The following EEPD1 variants were observed in gnomAD, a reference collection of about 807,000 sequenced individuals.
EEPD1 encodes endonuclease/exonuclease/phosphatase family domain containing 1.
A neutral mutation model predicts 46.3 loss-of-function variants in EEPD1; 17 were observed. The ratio of observed to expected loss-of-function variants is 0.37; its 90% confidence interval spans 0.25 to 0.55. The LOEUF is 0.55. Ranked by LOEUF, EEPD1 falls within the 20% of genes least tolerant of loss-of-function variation. The probability of loss-of-function intolerance (pLI) is 0.83; values close to 1 mark genes in which losing one functional copy is unlikely to be tolerated. For synonymous variants in EEPD1, 313 were observed against 315.6 expected (o/e 0.99, Z 0.09); for missense variants, 673 against 745.6 (o/e 0.90, Z 1.13).
At chr7:36,279,930 A>G (rs1428124466) in intron 3 of EEPD1, among the ~76,000 whole-genome samples, 1 of 152,186 alleles carries the variant, frequency 6.6e-6, no homozygotes. Flanking sequence ...AAGCTATGCC[A>G]GTGACCCCCG....
At chr7:36,287,263 A>AAAAAAT (rs60199452) in intron 5 of EEPD1, among the ~76,000 whole-genome samples, 1 of 149,994 alleles carries the variant, frequency 6.7e-6, no homozygotes, top group South Asian at 2.1e-4. Context: ...AAAAAAAAAA[A>AAAAAAT]GTGCTGGAGT....
chr7:36,246,274 A>G (rs772346614), intron 3 of EEPD1, among the ~76,000 whole-genome samples: 1 of 152,172 alleles, frequency 6.6e-6, no homozygotes, highest in African/African-American at 2.4e-5. Context: ...CACTGAGTTC[A>G]TGCTGTGAGG....
intron 6 of EEPD1, among the ~76,000 whole-genome samples, chr7:36,292,063 T>G (rs1787450794): frequency 6.6e-6 from 1 of 152,250 alleles, no homozygotes; most frequent in South Asian, 2.1e-4. Context: ...GCACACATAT[T>G]TAACTTCCAC....
chr7:36,294,301 A>C (rs1787490356), intron 6 of EEPD1, among the ~76,000 whole-genome samples: 1 of 152,234 alleles, frequency 6.6e-6, no homozygotes, highest in African/African-American at 2.4e-5. Flanking sequence ...TCACTCAAAT[A>C]TTGATCAATA....
At chr7:36,194,428 C>T (rs1243021721) in intron 2 of EEPD1, among the ~76,000 whole-genome samples, 1 of 152,274 alleles carries the variant, frequency 6.6e-6, no homozygotes, top group East Asian at 1.9e-4. Context: ...TGACCCTCTC[C>T]AAGATGAGTG....
intron 2 of EEPD1, among the ~76,000 whole-genome samples, chr7:36,165,911 A>G (rs1211418292): frequency 6.6e-6 from 1 of 152,156 alleles, no homozygotes; most frequent in Non-Finnish European, 1.5e-5. Flanking sequence ...AGTCCTAGTG[A>G]GCTTTTATTT....
intron 7 of EEPD1, among the ~76,000 whole-genome samples, chr7:36,298,324 GCTGAGC>G (rs1161953943): frequency 6.6e-6 from 1 of 152,182 alleles, no homozygotes; most frequent in Non-Finnish European, 1.5e-5. Context: ...CTGTGAAGTT[GCTGAGC>G]TCAGGGAGGA....
intron 2 of EEPD1, among the ~76,000 whole-genome samples, chr7:36,222,780 C>T (rs1468200689): frequency 2.6e-5 from 4 of 152,184 alleles, no homozygotes; most frequent in Non-Finnish European, 4.4e-5. Context: ...CAGCTCTCTT[C>T]GTGCCTCTTT....
chr7:36,239,932 G>T (rs931628474), intron 3 of EEPD1, among the ~76,000 whole-genome samples: 3 of 152,172 alleles, frequency 2.0e-5, no homozygotes, highest in Admixed American at 2.0e-4. Context: ...ATTTGTTTTT[G>T]GTTAGAGAGA....
chr7:36,166,717 G>T (rs1176675744), intron 2 of EEPD1, among the ~76,000 whole-genome samples: 1 of 152,152 alleles, frequency 6.6e-6, no homozygotes, highest in Non-Finnish European at 1.5e-5. Flanking sequence ...TATTTTGATT[G>T]ATTAATTCTG....
chr7:36,242,593 T>C (rs1786571760), intron 3 of EEPD1, among the ~76,000 whole-genome samples: 1 of 152,024 alleles, frequency 6.6e-6, no homozygotes, highest in Admixed American at 6.6e-5. Flanking sequence ...ACATATGATA[T>C]ATTACCTGGC....
chr7:36,160,625 A>C (rs1461058111), intron 2 of EEPD1, among the ~76,000 whole-genome samples: 1 of 138,666 alleles, frequency 7.2e-6, no homozygotes, highest in African/African-American at 2.6e-5. Context: ...GGTTAGAAGC[A>C]GAGGCTGAAG....
chr7:36,221,712 G>A (rs73338964), intron 2 of EEPD1, among the ~76,000 whole-genome samples: 226 of 152,312 alleles, frequency 1.5e-3, no homozygotes, highest in African/African-American at 5.3e-3. Context: ...TAAGAATCAT[G>A]TATGAGGTCA....
At chr7:36,168,757 C>CA (rs370164080) in intron 2 of EEPD1, among the ~76,000 whole-genome samples, 47,434 of 131,314 alleles carry the variant, frequency 0.36, 8,968 homozygotes, top group Middle Eastern at 0.46. Context: ...GACTCTGTCT[C>CA]AAAAAAAAAA....
intron 3 of EEPD1, among the ~76,000 whole-genome samples, chr7:36,242,123 C>T (rs1006416324): frequency 5.9e-5 from 9 of 151,670 alleles, no homozygotes; most frequent in African/African-American, 9.7e-5. Flanking sequence ...CTTACTTTCT[C>T]GTGCCTTAGT....
At chr7:36,284,896 A>G in intron 5 of EEPD1, 76 bp downstream of exon 5, 1 of 1,409,996 alleles carries the variant, frequency 7.1e-7, no homozygotes, top group Non-Finnish European at 9.3e-7. Context: ...ATTTTGTAAT[A>G]GCATGAGTAA....
intron 2 of EEPD1, among the ~76,000 whole-genome samples, chr7:36,220,735 G>C (rs75385791): frequency 6.6e-6 from 1 of 152,138 alleles, no homozygotes; most frequent in Non-Finnish European, 1.5e-5. Flanking sequence ...AAAATGCTTT[G>C]TCCTTCTCCT....
chr7:36,255,219 A>G (rs866808977), intron 3 of EEPD1, among the ~76,000 whole-genome samples: 2 of 152,204 alleles, frequency 1.3e-5, no homozygotes, highest in Non-Finnish European at 2.9e-5. Context: ...GCCCATGCCT[A>G]TGTCCTGAAT....
intron 2 of EEPD1, among the ~76,000 whole-genome samples, chr7:36,201,086 A>G (rs1785704507): frequency 6.6e-6 from 1 of 152,198 alleles, no homozygotes; most frequent in South Asian, 2.1e-4. Flanking sequence ...TCAGAATTTA[A>G]TCACAAAGAA....
Sources: gnomAD v4.1 joint callset for allele counts (sites outside exome capture counted in the v4.1 genomes callset) on GRCh38, gnomAD v4.1.1 for gene constraint, MANE v1.5 for transcripts, NCBI Gene and HGNC (gene_info 2026-07-23, HGNC 2026-07-21) for gene names.